Variants in IGLL1 observed in about 807,000 individuals in gnomAD.
The protein encoded by IGLL1 is immunoglobulin lambda like polypeptide 1.
A neutral mutation model predicts 10.5 loss-of-function variants in IGLL1; 10 were observed. The observed-to-expected ratio is 0.95, with a 90% CI of 0.59 to 1.62. IGLL1 has a LOEUF of 1.62. IGLL1 is among the 40% of genes most tolerant of loss of function. IGLL1 has a pLI of 0.00. For missense variants in IGLL1, 284 were observed against 278.7 expected (o/e 1.02, Z -0.14); for synonymous variants, 141 against 122.7 (o/e 1.15, Z -0.99).
chr22:23,579,699 C>T (rs1011298996), intron 1 of IGLL1, among the ~76,000 whole-genome samples: 13 of 152,022 alleles, frequency 8.6e-5, no homozygotes, highest in African/African-American at 1.2e-4. Flanking sequence ...TCCTGCCCTA[C>T]CCCAAGGACT....
At position 23,573,211 on chromosome 22, in the gene IGLL1, T is replaced by C. The variant is rs578249730; in HGVS notation, c.*55A>G. The C allele has an allele frequency of 9.5e-3, 14,788 of 1,559,846 alleles. 94 individuals are homozygous for C. Among genetic ancestry groups the C allele is most frequent in the Non-Finnish European group, 0.01 (11,506 of 1,131,810 alleles). The stretch of plus-strand genomic sequence containing the variant: ...TGGCTTGGGATGCAGAGAGAGACCC[T>C]TCCCCTGGGATCCTGCAGCTCCAGG... On this transcript the variant is annotated 3_prime_UTR_variant, in exon 3 of 3. Coordinates refer to ENST00000330377, the MANE Select transcript of IGLL1 (RefSeq NM_020070.4).
At chr22:23,574,403 G>A (rs1924953449) in intron 2 of IGLL1, among the ~76,000 whole-genome samples, 1 of 152,198 alleles carries the variant, frequency 6.6e-6, no homozygotes, top group African/African-American at 2.4e-5. Flanking sequence ...TCTGGTGACT[G>A]TCCTGGGAGG....
rs755191572 is a variant in IGLL1, at chr22:23,573,288, A to T, written c.620T>A (p.Val207Glu). The stretch of plus-strand genomic sequence containing the variant: ...AACCTATGAACATTCTGCAGGGGCC[A>T]CCGTCTTCTCCACGGTGCTCCCTTC... ...MHEGSTVEKTVAPAECS is the reference protein window; with the variant it reads ...MHEGSTVEKTEAPAECS The change falls in exon 3 of 3, where the codon GTG (valine) becomes GAG (glutamate). Residue 207 changes from valine to glutamate, a missense_variant. Transcript: ENST00000330377. 2 of 1,614,086 alleles carry T rather than the reference A, an allele frequency of 1.2e-6. No individual in the cohort carries two copies. The highest frequency in any genetic ancestry group is 8.5e-7 in the Non-Finnish European group (1 of 1,180,018).
chr22:23,575,137 G>A (rs1924997824), intron 1 of IGLL1, 55 bp from the exon 2 acceptor site: 1 of 1,258,482 alleles, frequency 7.9e-7, no homozygotes, highest in Non-Finnish European at 1.2e-6. Context: ...CCCAGGCACA[G>A]GGTAGGGGGG....
Position 23,574,166 on chromosome 22 carries a change from C to T in IGLL1, c.323-581G>A, listed in dbSNP as rs111442603. 4.8e-5 allele frequency among the ~76,000 whole-genome samples: 7 copies of T among 146,128 alleles called. 1 individual carries two copies. Among genetic ancestry groups the T allele is most frequent in the Non-Finnish European group, 7.4e-5 (5 of 67,880 alleles). Reference sequence around the variant, plus strand: ...GCTGCTCCCCCAGACTTTGGGGCACCGCAGCCCCCATGCCCACCCCAGCAG... The same window carrying T: ...GCTGCTCCCCCAGACTTTGGGGCACTGCAGCCCCCATGCCCACCCCAGCAG... On this transcript the variant is annotated intron_variant, in intron 2 of 2. Transcript: ENST00000330377.
chr22:23,577,493 G>A (rs560429562), intron 1 of IGLL1, among the ~76,000 whole-genome samples: 1 of 149,936 alleles, frequency 6.7e-6, no homozygotes, highest in South Asian at 2.1e-4. Context: ...TCATTTATTT[G>A]ATAGGAGATA....
chr22:23,579,935 C>T (rs779472709), intron 1 of IGLL1, 50 bp downstream of exon 1: 21 of 1,492,412 alleles, frequency 1.4e-5, no homozygotes, highest in South Asian at 2.4e-5. Context: ...CATCCTTTCC[C>T]GCCTCTGCCA....
In IGLL1 at chr22:23,580,170, C is replaced by A. The variant is rs1044209410; in HGVS notation, c.21G>T (p.Gln7His). 2 of 1,543,616 alleles carry A rather than the reference C, an allele frequency of 1.3e-6. No individual in the cohort carries two copies. Among genetic ancestry groups the A allele is most frequent in the East Asian group, 4.8e-5 (2 of 41,492 alleles). Residue 7 changes from glutamine to histidine, a missense_variant, in exon 1 of 3, where the codon CAG becomes CAT. Physicochemically the swap from Gln to His is conservative, Grantham distance 24 (BLOSUM62 0). Transcript: ENST00000330377. ...GCTCACCAGGGGCCTCAAGGCCCCC[C>A]TGGCCTGTCCCTGGCCTCATCGGCC... MRPGTG[Q>H]GGLEAPGEPG...
In IGLL1 at chr22:23,573,847, GTGT is replaced by G. The variant is rs1924917681; in HGVS notation, c.323-265_323-263del. 2.0e-5 allele frequency among the ~76,000 whole-genome samples: 3 copies of G among 147,020 alleles called. No homozygotes were observed. In the Admixed American group the frequency reaches 2.1e-4, roughly 10 times the overall value. On this transcript the variant is annotated intron_variant, in intron 2 of 2. Coordinates refer to ENST00000330377, the MANE Select transcript of IGLL1 (RefSeq NM_020070.4). ...TTTCCTCTGCAGCCTCGGTTTCCCC[GTGT>G]GCACCCAGGGCAGGCTGTGCTCCCT...
chr22:23,577,629 C>T (rs1203672900), intron 1 of IGLL1, among the ~76,000 whole-genome samples: 2 of 150,140 alleles, frequency 1.3e-5, no homozygotes, highest in Admixed American at 6.6e-5. Context: ...CCTCAACCTC[C>T]GAGGCTTAAG....
Position 23,575,081 on chromosome 22 carries a change from A to G in IGLL1, c.208T>C (p.Phe70Leu). The G allele has an allele frequency of 6.2e-7, 1 of 1,611,022 alleles. No homozygotes were observed. Among genetic ancestry groups the G allele is most frequent in the Non-Finnish European group, 8.5e-7 (1 of 1,177,300 alleles). ...GTCCAGGAGCCGCGCTGGAGCAGGA[A>G]CCTGCTGGGAGTGAGGGGCACAGGG... Reference protein sequence around the residue: ...RSSLRSRWGRFLLQRGSWTGP... With the variant: ...RSSLRSRWGRLLLQRGSWTGP... The change falls in exon 2 of 3, where the codon TTC (phenylalanine) becomes CTC (leucine). Residue 70 changes from phenylalanine to leucine, a missense_variant and splice_region_variant. Physicochemically the swap from Phe to Leu is conservative, Grantham distance 22 (BLOSUM62 0). Transcript: ENST00000330377.
chr22:23,580,001 T>A lies in IGLL1; in HGVS notation c.190A>T (p.Arg64Trp). ...ACCCCTTACCTGCCCCACCGGCTCC[T>A]CAGGCTGGACCGGCTGCTTCCTCCA... Reference protein sequence around the residue: ...APGGSSRSSLRSRWGRFLLQR... With the variant: ...APGGSSRSSLWSRWGRFLLQR... Residue 64 changes from arginine (R) to tryptophan (W), a missense_variant, in exon 1 of 3, where the codon AGG (arginine) becomes TGG (tryptophan). By Grantham distance (101) the Arg-to-Trp change is moderately radical. Transcript: ENST00000330377. The A allele has an allele frequency of 6.3e-7, 1 of 1,584,100 alleles. No homozygotes were observed. Among genetic ancestry groups the A allele is most frequent in the Non-Finnish European group, 8.6e-7 (1 of 1,169,582 alleles).
intron 1 of IGLL1, among the ~76,000 whole-genome samples, chr22:23,578,390 T>C (rs1443650488): frequency 6.6e-6 from 1 of 152,160 alleles, no homozygotes; most frequent in Non-Finnish European, 1.5e-5. Flanking sequence ...CCGCTCCTTG[T>C]GGACTTGAAT....
chr22:23,579,159 G>C (rs1464382966), intron 1 of IGLL1, among the ~76,000 whole-genome samples: 1 of 152,056 alleles, frequency 6.6e-6, no homozygotes, highest in Non-Finnish European at 1.5e-5. Flanking sequence ...TCTGCACAAA[G>C]GGGATCACAG....
At chr22:23,578,378 C>T (rs527290970) in intron 1 of IGLL1, among the ~76,000 whole-genome samples, 47 of 152,302 alleles carry the variant, frequency 3.1e-4, no homozygotes, top group African/African-American at 9.9e-4. Context: ...CTCACCCGGC[C>T]CCCGCTCCTT....
At chr22:23,574,810 A>G (rs1175368606) in intron 2 of IGLL1, among the ~76,000 whole-genome samples, 157 bp downstream of exon 2, 1 of 151,836 alleles carries the variant, frequency 6.6e-6, no homozygotes, top group Non-Finnish European at 1.5e-5. Context: ...TCCTGCCATT[A>G]CCCTGAGACT....
chr22:23,577,916 G>A (rs868836705), intron 1 of IGLL1, among the ~76,000 whole-genome samples: 2 of 127,476 alleles, frequency 1.6e-5, no homozygotes, highest in South Asian at 2.4e-4. Context: ...TGGGAGTCTC[G>A]TTCTGTCGTC....
rs756305081 is a variant in IGLL1, at chr22:23,575,031, C to T, written c.258G>A (p.Gly86=). ...SWTGPRCWPR[G]FQSKHNSVTH... ...TCACTGAGTTATGCTTGGATTGAAA[C>T]CCCCGGGGCCAGCACCTGGGGCCAG... The change falls in exon 2 of 3, where the codon GGG becomes GGA. Residue 86 remains glycine, a synonymous_variant. Transcript: ENST00000330377. 8 of 1,609,704 alleles carry T rather than the reference C, an allele frequency of 5.0e-6. No individual in the cohort carries two copies. Among genetic ancestry groups the T allele is most frequent in the Non-Finnish European group, 6.8e-6 (8 of 1,176,202 alleles).
chr22:23,575,500 T>C (rs1569070607), intron 1 of IGLL1, among the ~76,000 whole-genome samples: 3 of 152,178 alleles, frequency 2.0e-5, no homozygotes, highest in African/African-American at 7.2e-5. Context: ...TATCTACCCA[T>C]GGAGATGCAG....
Sources: gnomAD v4.1 joint callset for allele counts (sites outside exome capture counted in the v4.1 genomes callset) on GRCh38, gnomAD v4.1.1 for gene constraint, MANE v1.5 for transcripts, NCBI Gene and HGNC (gene_info 2026-07-23, HGNC 2026-07-21) for gene names.